The following HPN variants were observed in gnomAD, a reference collection of about 807,000 sequenced individuals.
HPN encodes hepsin, also known as serine protease hepsin.
A neutral mutation model predicts 55.9 loss-of-function variants in HPN; 13 were observed. The ratio of observed to expected loss-of-function variants is 0.23; its 90% CI spans 0.15 to 0.37. The LOEUF (loss-of-function observed/expected upper bound fraction) is 0.37. HPN is among the 10% of genes least tolerant of loss of function. HPN has a pLI of 1.00. For missense variants in HPN, 451 were observed against 575.8 expected, an observed-to-expected ratio of 0.78 and a Z score of 2.22; for synonymous variants, 225 against 240.3, an observed-to-expected ratio of 0.94 and a Z score of 0.59.
At chr19:35,048,082 A>AGG (rs1555723026) in intron 2 of HPN, among the ~76,000 whole-genome samples, 12,351 of 96,392 alleles carry the variant, frequency 0.13, 938 homozygotes, top group Middle Eastern at 0.16. Context: ...GAAAGAAAGA[A>AGG]AAGGAAGGAA....
rs1215058425 is a variant in HPN, at chr19:35,065,968, C to G, written c.1151C>G (p.Ala384Gly). 1 of 1,613,638 alleles carries G rather than the reference C, an allele frequency of 6.2e-7. No individual in the cohort carries two copies. Among genetic ancestry groups the G allele is most frequent in the Admixed American group, 1.7e-5 (1 of 60,030 alleles). The change falls in exon 12 of 13, where the codon GCC (alanine) becomes GGC (glycine). Residue 384 changes from alanine (A) to glycine (G), a missense_variant. Ala to Gly is a moderately conservative substitution (Grantham distance 60). Transcript: ENST00000672452. ...IVSWGTGCAL[A>G]QKPGVYTKVS... is the part of the protein sequence containing the mutation. ...AGTTGGGGCACTGGCTGTGCCCTGG[C>G]CCAGAAGCCAGGCGTCTACACCAAA...
At chr19:35,049,542 T>C (rs751875225) in intron 4 of HPN, 26 bp downstream of exon 4, 1 of 1,583,884 alleles carries the variant, frequency 6.3e-7, no homozygotes, top group Admixed American at 1.8e-5. Context: ...TGGGACCCTC[T>C]GGGGGAGCCC....
chr19:35,046,446 T>C (rs2064342973), intron 2 of HPN, among the ~76,000 whole-genome samples: 1 of 152,066 alleles, frequency 6.6e-6, no homozygotes, highest in Admixed American at 6.5e-5. Context: ...GGTTTCACCA[T>C]GTTGGCCAGG....
intron 4 of HPN, among the ~76,000 whole-genome samples, chr19:35,053,789 C>A (rs907705469): frequency 1.3e-5 from 2 of 151,662 alleles, no homozygotes; most frequent in Admixed American, 6.6e-5. Context: ...AATCCGCCCC[C>A]CTCCCCGCCC....
chr19:35,063,383 C>G (rs922850551), intron 9 of HPN, among the ~76,000 whole-genome samples: 3 of 152,076 alleles, frequency 2.0e-5, no homozygotes, highest in African/African-American at 7.2e-5. Context: ...TACTGGTTTC[C>G]CATTGAAGGG....
Position 35,065,647 on chromosome 19 carries a change from C to A in HPN, c.1016C>A (p.Ala339Asp). The A allele has an allele frequency of 6.2e-7, 1 of 1,614,188 alleles. No homozygotes were observed. Residue 339 changes from alanine (A) to aspartate (D), a missense_variant, in exon 11 of 13, where the codon GCT becomes GAT. Coordinates refer to ENST00000672452, the MANE Select transcript of HPN (RefSeq NM_001384133.1). Reference protein sequence around the residue: ...GNQIKPKMFCAGYPEGGIDAC... With the variant: ...GNQIKPKMFCDGYPEGGIDAC... ...CAGATCAAGCCCAAGATGTTCTGTG[C>A]TGGCTACCCCGAGGGTGGCATTGAT...
intron 4 of HPN, among the ~76,000 whole-genome samples, chr19:35,052,497 T>C (rs1030498609): frequency 1.5e-5 from 2 of 134,946 alleles, no homozygotes; most frequent in African/African-American, 5.7e-5. Context: ...ATCACGCCAC[T>C]GCACTCCAGC....
At chr19:35,055,582 A>G (rs1300696335) in intron 4 of HPN, among the ~76,000 whole-genome samples, 1 of 151,796 alleles carries the variant, frequency 6.6e-6, no homozygotes, top group Admixed American at 6.6e-5. Context: ...CTTGCAGGAA[A>G]CCCTGTCAGC....
Position 35,066,276 on chromosome 19 carries a change from A to G in HPN, c.1243A>G (p.Thr415Ala). 1 of 1,613,006 alleles carries G rather than the reference A, an allele frequency of 6.2e-7. No homozygotes were observed. The highest frequency in any genetic ancestry group is 8.5e-7 in the Non-Finnish European group (1 of 1,179,564). Reference protein sequence around the residue: ...KTHSEASGMVTQL With the variant: ...KTHSEASGMVAQL ...TCACTCCGAAGCCAGCGGCATGGTG[A>G]CCCAGCTCTGACCGGTGGCTTCTCG... is the stretch of plus-strand genomic sequence containing the variant. Residue 415 changes from threonine to alanine, a missense_variant, in exon 13 of 13, where the codon ACC (threonine) becomes GCC (alanine). This residue lies in a region of HPN where 73 missense variants were observed against 130.3 expected (regional missense o/e 0.56). Transcript: ENST00000672452.
In HPN at chr19:35,055,403, G is replaced by GAA. The variant is rs55714647; in HGVS notation, c.161-4261_161-4260dup. On this transcript the variant is annotated intron_variant, in intron 4 of 12. Transcript: ENST00000672452. The stretch of plus-strand genomic sequence containing the variant: ...TGGAGCGAGACCCTGTCTCAAAAAA[G>GAA]AAAAAAAAAAGTGGCAGGGAGAAGG... 4.0e-3 allele frequency among the ~76,000 whole-genome samples: 584 copies of GAA among 147,392 alleles called. 2 individuals are homozygous for GAA. Among genetic ancestry groups the GAA allele is most frequent in the Non-Finnish European group, 5.3e-3 (353 of 66,760 alleles).
intron 4 of HPN, among the ~76,000 whole-genome samples, chr19:35,055,447 G>C (rs1207781978): frequency 6.6e-6 from 1 of 151,880 alleles, no homozygotes; most frequent in African/African-American, 2.4e-5. Context: ...GGACAAAGAG[G>C]TTCACAGCTG....
At chr19:35,063,324 T>G (rs909507581) in intron 9 of HPN, among the ~76,000 whole-genome samples, 3 of 152,260 alleles carry the variant, frequency 2.0e-5, no homozygotes, top group Non-Finnish European at 4.4e-5. Context: ...CATGTTGGGG[T>G]TGGCATTATG....
intron 4 of HPN, 56 bp from the exon 5 acceptor site, chr19:35,059,617 C>A (rs1249364994): frequency 3.2e-6 from 5 of 1,552,890 alleles, no homozygotes; most frequent in Non-Finnish European, 4.3e-6. Flanking sequence ...GCTGGGGAAG[C>A]ATGTGGGGAG....
intron 2 of HPN, among the ~76,000 whole-genome samples, chr19:35,045,363 G>A (rs570921588): frequency 3.5e-4 from 54 of 152,284 alleles, no homozygotes; most frequent in Admixed American, 2.7e-3. Flanking sequence ...AGTCCAAAGA[G>A]GAGAGCATTT....
In HPN at chr19:35,049,316, A is replaced by C; in HGVS notation, c.43A>C (p.Arg15=). The C allele has an allele frequency of 6.3e-7, 1 of 1,587,574 alleles. No homozygotes were observed. The highest frequency in any genetic ancestry group is 2.2e-5 in the East Asian group (1 of 44,560). The change falls in exon 3 of 13, where the codon AGA becomes CGA. Residue 15 remains arginine (R), a synonymous_variant. Coordinates refer to ENST00000672452, the MANE Select transcript of HPN (RefSeq NM_001384133.1). ...EGGRTVPCCS[R]PKVAALTAGT... is the part of the protein sequence containing the mutation. ...TGGCCGGACTGTGCCATGCTGCTCC[A>C]GACCCAAGGTGGCAGCTCTCACTGC... is the stretch of plus-strand genomic sequence containing the variant.
chr19:35,045,581 G>C (rs543402919), intron 2 of HPN, among the ~76,000 whole-genome samples: 1 of 152,114 alleles, frequency 6.6e-6, no homozygotes, highest in African/African-American at 2.4e-5. Context: ...AGATGTAGGG[G>C]TGGGGGAGGT....
chr19:35,059,364 C>A (rs2064496661), intron 4 of HPN: 2 of 498,620 alleles, frequency 4.0e-6, no homozygotes, highest in Non-Finnish European at 7.4e-6. Flanking sequence ...CGCCTGTGGT[C>A]CTAGCTACTC....
intron 2 of HPN, among the ~76,000 whole-genome samples, chr19:35,048,495 G>A (rs1228647325): frequency 6.6e-6 from 1 of 152,212 alleles, no homozygotes; most frequent in African/African-American, 2.4e-5. Flanking sequence ...ATTTTTAGAA[G>A]TAGGTGCTCA....
intron 12 of HPN, 52 bp from the exon 13 acceptor site, chr19:35,066,197 T>C: frequency 1.9e-6 from 3 of 1,613,880 alleles, no homozygotes; most frequent in Non-Finnish European, 2.5e-6. Flanking sequence ...AAGCCAGTGG[T>C]GGGACGTGGA....
Sources: gnomAD v4.1 joint callset for allele counts (sites outside exome capture counted in the v4.1 genomes callset) on GRCh38, gnomAD v4.1.1 for gene constraint, gnomAD v4.1.1 regional missense constraint, MANE v1.5 for transcripts, NCBI Gene and HGNC (gene_info 2026-07-23, HGNC 2026-07-21) for gene names.